Variants in NPRL3 observed in about 807,000 individuals in gnomAD.
The protein encoded by NPRL3 is GATOR1 complex protein NPRL3.
Under a neutral mutation model 57.2 loss-of-function variants are expected in NPRL3, and 23 were observed. The observed-to-expected ratio is 0.40, with a 90% CI of 0.29 to 0.57. The LOEUF (loss-of-function observed/expected upper bound fraction) is 0.57. Among genes scored for constraint, NPRL3 ranks in the 20% least tolerant of loss-of-function variants. The pLI is 0.42. For missense variants in NPRL3, 691 were observed against 767.1 expected, an observed-to-expected ratio of 0.90 and a Z score of 1.17; for synonymous variants, 333 against 321.1, an observed-to-expected ratio of 1.04 and a Z score of -0.39.
chr16:86,582 C>T lies in NPRL3; in HGVS notation c.*123G>A. On this transcript the variant is annotated 3_prime_UTR_variant, in exon 14 of 14. Transcript: ENST00000611875. ...GCTTCACTGGGCCACGGCCAGCCCG[C>T]ATCCACCCAATGCCAGGCCTCAGGG... The T allele has an allele frequency of 2.0e-6, 2 of 1,013,412 alleles. No homozygotes were observed. The highest frequency in any genetic ancestry group is 1.6e-5 in the South Asian group (1 of 61,732). The allele number at this position is 1,013,412 out of a possible 1,614,324, so 62.8% of individuals were successfully genotyped here. A position where few individuals can be genotyped will look rare whatever the true frequency, so the allele number is the denominator to read the frequency against.
rs145263738 is a variant in NPRL3, at chr16:93,887, T to C, written c.925-562A>G. On this transcript the variant is annotated intron_variant, in intron 9 of 13. Coordinates refer to ENST00000611875, the MANE Select transcript of NPRL3 (RefSeq NM_001077350.3). ...CAATGGCCTTTTTGTCACTGCTCCC[T>C]GTGCTGTTTGGTGGCACTGTTTTCC... Among the ~76,000 whole-genome samples, 1,173 of 152,304 alleles carry C rather than the reference T, an allele frequency of 7.7e-3. 21 individuals are homozygous for C. Among genetic ancestry groups the C allele is most frequent in the African/African-American group, 0.026 (1,098 of 41,576 alleles).
chr16:96,202 C>T (rs918077273), intron 9 of NPRL3, among the ~76,000 whole-genome samples: 4 of 152,126 alleles, frequency 2.6e-5, no homozygotes, highest in African/African-American at 4.8e-5. Flanking sequence ...GCCAGACAAC[C>T]TCAGAAGAGG....
Position 110,696 on chromosome 16 carries a change from C to T in NPRL3, c.548-90G>A, listed in dbSNP as rs184906466. On this transcript the variant is annotated intron_variant, in intron 6 of 13. Coordinates refer to ENST00000611875, the MANE Select transcript of NPRL3 (RefSeq NM_001077350.3). ...CCAAGTAGCTGGGATTACAGGCGCC[C>T]GCCACCATGTCTGGCTAATTTTTTT... 4.3e-5 allele frequency: 44 copies of T among 1,028,546 alleles called. No homozygotes were observed. The African/African-American group carries it at 5.3e-4, about 12-fold the overall frequency. The allele number at this position is 1,028,546 out of a possible 1,614,324, so 63.7% of individuals were successfully genotyped here.
intron 3 of NPRL3, among the ~76,000 whole-genome samples, chr16:129,430 C>T (rs1017387901): frequency 6.6e-6 from 1 of 152,168 alleles, no homozygotes; most frequent in African/African-American, 2.4e-5. Context: ...AGCCCCATCG[C>T]CCTTCCAAAG....
chr16:86,631 G>C lies in NPRL3; in HGVS notation c.*74C>G. The C allele has an allele frequency of 5.6e-6, 8 of 1,426,420 alleles. No homozygotes were observed. In the East Asian group the frequency reaches 2.0e-4, roughly 36 times the overall value. 88.4% of individuals were successfully genotyped at this position (1,426,420 alleles called of 1,614,324 possible). On this transcript the variant is annotated 3_prime_UTR_variant, in exon 14 of 14. Coordinates refer to ENST00000611875, the MANE Select transcript of NPRL3 (RefSeq NM_001077350.3). ...GGCCAAGAGGGCTCAGCCTCAGCACGGGGGGAGCCCTGGGGTGGGGAGACG... is the reference window on the plus strand; with the variant it reads ...GGCCAAGAGGGCTCAGCCTCAGCACCGGGGGAGCCCTGGGGTGGGGAGACG...
chr16:117,896 A>T (rs1360035752), intron 4 of NPRL3, among the ~76,000 whole-genome samples: 1 of 152,220 alleles, frequency 6.6e-6, no homozygotes, highest in Non-Finnish European at 1.5e-5. Context: ...TCCAAGGGGC[A>T]CGGGGGAACT....
intron 7 of NPRL3, among the ~76,000 whole-genome samples, chr16:103,532 A>G (rs1488224450): frequency 6.6e-6 from 1 of 151,842 alleles, no homozygotes; most frequent in Admixed American, 6.6e-5. Context: ...CTATTGTTTC[A>G]AATGTAGCTG....
At chr16:106,443 G>C (rs1899530543) in intron 7 of NPRL3, among the ~76,000 whole-genome samples, 1 of 151,916 alleles carries the variant, frequency 6.6e-6, no homozygotes, top group South Asian at 2.1e-4. Context: ...GATCAGCCAG[G>C]GTAACATGGC....
At chr16:114,998 T>C (rs1899968847) in intron 5 of NPRL3, among the ~76,000 whole-genome samples, 1 of 151,104 alleles carries the variant, frequency 6.6e-6, no homozygotes, top group African/African-American at 2.4e-5. Flanking sequence ...TTTTTTAAGA[T>C]AGGGTCTCAC....
At chr16:110,693 GCC>G in intron 6 of NPRL3, 87 bp from the exon 7 acceptor site, 4 of 1,057,134 alleles carry the variant, frequency 3.8e-6, no homozygotes, top group South Asian at 1.4e-5. Flanking sequence ...GATTACAGGC[GCC>G]CGCCACCATG....
chr16:135,523 CG>C (rs1901030246), intron 2 of NPRL3, among the ~76,000 whole-genome samples: 1 of 149,574 alleles, frequency 6.7e-6, no homozygotes, highest in African/African-American at 2.5e-5. Context: ...ACAGGAGAAT[CG>C]CTTGAACCCG....
At chr16:135,608 CAAA>C (rs555589072) in intron 2 of NPRL3, among the ~76,000 whole-genome samples, 1 of 56,848 alleles carries the variant, frequency 1.8e-5, no homozygotes, top group African/African-American at 6.2e-5. Context: ...GACTCTGTCT[CAAA>C]AAAAAAAAAA....
chr16:112,524 T>C (rs1596522165), intron 6 of NPRL3, 98 bp downstream of exon 6: 2 of 1,220,356 alleles, frequency 1.6e-6, no homozygotes, highest in Non-Finnish European at 2.1e-6. Flanking sequence ...AACATCTGTA[T>C]CATTAACACT....
At chr16:135,369 G>C (rs1901022369) in intron 2 of NPRL3, among the ~76,000 whole-genome samples, 1 of 152,146 alleles carries the variant, frequency 6.6e-6, no homozygotes, top group Admixed American at 6.6e-5. Flanking sequence ...GACATACTTT[G>C]GGATGCCGAG....
At chr16:115,490 C>T (rs1453506376) in intron 5 of NPRL3, among the ~76,000 whole-genome samples, 1 of 145,018 alleles carries the variant, frequency 6.9e-6, no homozygotes. Context: ...TTTCCTGTTG[C>T]TTTTTTTTTT....
chr16:87,548 T>TG (rs1479707408), intron 13 of NPRL3, among the ~76,000 whole-genome samples: 1 of 150,532 alleles, frequency 6.6e-6, no homozygotes, highest in Admixed American at 6.6e-5. Flanking sequence ...GCTTTTTTTT[T>TG]TTTGAGACGG....
intron 3 of NPRL3, among the ~76,000 whole-genome samples, chr16:129,899 G>A (rs1329580066): frequency 6.6e-6 from 1 of 152,170 alleles, no homozygotes; most frequent in African/African-American, 2.4e-5. Flanking sequence ...CTGGGCCTAT[G>A]TTACCATTTA....
chr16:94,951 G>A (rs1221213636), intron 9 of NPRL3, among the ~76,000 whole-genome samples: 1 of 152,044 alleles, frequency 6.6e-6, no homozygotes, highest in Non-Finnish European at 1.5e-5. Flanking sequence ...CAAGCATAAG[G>A]TGCCAGCAGG....
chr16:99,952 A>C (rs974632445), intron 8 of NPRL3, among the ~76,000 whole-genome samples: 33 of 93,090 alleles, frequency 3.5e-4, no homozygotes, highest in African/African-American at 6.3e-4. Flanking sequence ...ACACACACAC[A>C]CCCCCGCAAA....
Sources: gnomAD v4.1 joint callset for allele counts (sites outside exome capture counted in the v4.1 genomes callset) on GRCh38, gnomAD v4.1.1 for gene constraint, MANE v1.5 for transcripts, NCBI Gene and HGNC (gene_info 2026-07-23, HGNC 2026-07-21) for gene names.